PIP4K2A: variants seen among roughly 807,000 people sequenced by gnomAD.
The protein encoded by PIP4K2A is phosphatidylinositol-5-phosphate 4-kinase type 2 alpha, also known as phosphatidylinositol 5-phosphate 4-kinase type-2 alpha.
In PIP4K2A, 14 loss-of-function variants were observed where a neutral mutation model predicts 42.9. The observed-to-expected ratio is 0.33, with a 90% confidence interval of 0.22 to 0.51. PIP4K2A has a LOEUF of 0.51. Ranked by LOEUF, PIP4K2A falls within the 20% of genes least tolerant of loss-of-function variation. The probability of loss-of-function intolerance (pLI) is 0.97; values close to 1 mark genes in which losing one functional copy is unlikely to be tolerated. For missense variants in PIP4K2A, 434 were observed against 519.8 expected (o/e 0.83, Z 1.61); for synonymous variants, 192 against 192.2 (o/e 1.00, Z 0.01).
chr10:22,607,285 T>C (rs1248484695), intron 3 of PIP4K2A, among the ~76,000 whole-genome samples: 1 of 152,198 alleles, frequency 6.6e-6, no homozygotes, highest in East Asian at 1.9e-4. Flanking sequence ...GTTTAAAAGT[T>C]AGAATGAAGG....
intron 1 of PIP4K2A, among the ~76,000 whole-genome samples, chr10:22,641,132 T>A (rs910574542): frequency 6.6e-5 from 10 of 152,244 alleles, no homozygotes; most frequent in African/African-American, 2.4e-4. Flanking sequence ...TGACATATGA[T>A]GCTGCAGACA....
rs1835900494 is a variant in PIP4K2A, at chr10:22,535,642, G to T, written c.*1559C>A. ...AAAATCATATCATGTTTTAAACAAGGAGTTTCAAAGGCATGGCTTTAGCGC... is the reference window on the plus strand; with the variant it reads ...AAAATCATATCATGTTTTAAACAAGTAGTTTCAAAGGCATGGCTTTAGCGC... On this transcript the variant is annotated 3_prime_UTR_variant, in exon 10 of 10. Coordinates refer to ENST00000376573, the MANE Select transcript of PIP4K2A (RefSeq NM_005028.5). 1 of 153,754 alleles carries T rather than the reference G, an allele frequency of 6.5e-6. No individual in the cohort carries two copies. The highest frequency in any genetic ancestry group is 2.4e-5 in the African/African-American group (1 of 41,544). The allele number at this position is 153,754 out of a possible 1,614,324, so 9.5% of individuals were successfully genotyped here.
At chr10:22,617,018 A>C (rs1838190174) in intron 1 of PIP4K2A, among the ~76,000 whole-genome samples, 1 of 152,232 alleles carries the variant, frequency 6.6e-6, no homozygotes, top group African/African-American at 2.4e-5. Flanking sequence ...ATTAACACAA[A>C]ACACAGTAAC....
chr10:22,587,574 T>C (rs1461249914), intron 4 of PIP4K2A, among the ~76,000 whole-genome samples: 1 of 152,108 alleles, frequency 6.6e-6, no homozygotes, highest in African/African-American at 2.4e-5. Context: ...ACCACAGGGA[T>C]AGAAACACAA....
intron 1 of PIP4K2A, among the ~76,000 whole-genome samples, chr10:22,627,601 A>T (rs1838471724): frequency 2.2e-5 from 1 of 44,544 alleles, no homozygotes; most frequent in Non-Finnish European, 4.4e-5. Context: ...TAAAAAAAAA[A>T]AAAAAAAAAA....
At chr10:22,643,609 C>T (rs1838823879) in intron 1 of PIP4K2A, among the ~76,000 whole-genome samples, 1 of 152,168 alleles carries the variant, frequency 6.6e-6, no homozygotes, top group South Asian at 2.1e-4. Flanking sequence ...CTCCATGGGG[C>T]TCTCCAAGAG....
At chr10:22,652,514 G>A (rs16922558) in intron 1 of PIP4K2A, among the ~76,000 whole-genome samples, 10,021 of 152,180 alleles carry the variant, frequency 0.066, 987 homozygotes, top group African/African-American at 0.22. Flanking sequence ...CAATGTCTTC[G>A]TAGTAATCAA....
intron 3 of PIP4K2A, among the ~76,000 whole-genome samples, chr10:22,596,396 G>T (rs1265679370): frequency 1.3e-5 from 2 of 152,208 alleles, no homozygotes; most frequent in African/African-American, 4.8e-5. Flanking sequence ...TGAGATGAAA[G>T]AGAACATGCA....
Position 22,535,173 on chromosome 10 carries a change from C to G in PIP4K2A, c.*2028G>C, listed in dbSNP as rs958175744. ...ATACACAGATTGGCCCCCAAGGAAA[C>G]AGTTACTCAAATAATGTATGTGTAC... On this transcript the variant is annotated 3_prime_UTR_variant, in exon 10 of 10. Transcript: ENST00000376573. The G allele has an allele frequency of 6.6e-6, 1 of 152,206 alleles. No individual in the cohort carries two copies. Among genetic ancestry groups the G allele is most frequent in the African/African-American group, 2.4e-5 (1 of 41,458 alleles). The allele number at this position is 152,206 out of a possible 1,614,324, so 9.4% of individuals were successfully genotyped here.
At chr10:22,586,633 C>T (rs1162892172) in intron 4 of PIP4K2A, among the ~76,000 whole-genome samples, 1 of 152,128 alleles carries the variant, frequency 6.6e-6, no homozygotes, top group Non-Finnish European at 1.5e-5. Flanking sequence ...TGGGTTCAAG[C>T]GATTCTCATG....
intron 1 of PIP4K2A, among the ~76,000 whole-genome samples, chr10:22,672,101 G>C (rs1839463895): frequency 6.6e-6 from 1 of 152,074 alleles, no homozygotes; most frequent in Admixed American, 6.5e-5. Flanking sequence ...AAGACTCTTT[G>C]TAATTCTTAT....
chr10:22,649,021 T>C (rs1480585299), intron 1 of PIP4K2A, among the ~76,000 whole-genome samples: 3 of 152,206 alleles, frequency 2.0e-5, no homozygotes, highest in South Asian at 4.1e-4. Context: ...AAAGCACTAA[T>C]AAAAATAATT....
At chr10:22,540,364 C>CTT (rs199836038) in intron 8 of PIP4K2A, among the ~76,000 whole-genome samples, 1 of 143,970 alleles carries the variant, frequency 6.9e-6, no homozygotes, top group Admixed American at 6.9e-5. Flanking sequence ...GGAACGGAGT[C>CTT]TTTTTTTTTT....
intron 5 of PIP4K2A, among the ~76,000 whole-genome samples, chr10:22,569,255 C>A (rs1003375511): frequency 6.6e-6 from 1 of 152,206 alleles, no homozygotes; most frequent in South Asian, 2.1e-4. Flanking sequence ...GCCCCCAGGA[C>A]TGGAAGATCC....
intron 1 of PIP4K2A, among the ~76,000 whole-genome samples, chr10:22,651,076 G>A (rs1425361858): frequency 1.3e-5 from 2 of 152,130 alleles, no homozygotes; most frequent in Non-Finnish European, 2.9e-5. Context: ...TCCATTTAGA[G>A]GGCTAAAAAG....
chr10:22,663,872 T>G (rs183387720), intron 1 of PIP4K2A, among the ~76,000 whole-genome samples: 4 of 151,054 alleles, frequency 2.6e-5, no homozygotes, highest in Non-Finnish European at 5.9e-5. Context: ...TCCCCCCATT[T>G]TGGCCATTAT....
chr10:22,628,613 A>C (rs534031855), intron 1 of PIP4K2A, among the ~76,000 whole-genome samples: 3 of 152,208 alleles, frequency 2.0e-5, no homozygotes, highest in Admixed American at 6.5e-5. Flanking sequence ...GAGACATGAG[A>C]TATCAGATAC....
At chr10:22,577,162 C>T (rs762632146) in intron 4 of PIP4K2A, among the ~76,000 whole-genome samples, 8 of 151,392 alleles carry the variant, frequency 5.3e-5, no homozygotes, top group South Asian at 2.1e-4. Context: ...GTACCATGAG[C>T]GGTGCTGACT....
intron 5 of PIP4K2A, among the ~76,000 whole-genome samples, chr10:22,570,256 T>C (rs1219601784): frequency 6.6e-6 from 1 of 152,158 alleles, no homozygotes; most frequent in African/African-American, 2.4e-5. Flanking sequence ...GTAGGTAAAA[T>C]TATCCCTATT....
Sources: gnomAD v4.1 joint callset for allele counts (sites outside exome capture counted in the v4.1 genomes callset) on GRCh38, gnomAD v4.1.1 for gene constraint, MANE v1.5 for transcripts, NCBI Gene and HGNC (gene_info 2026-07-23, HGNC 2026-07-21) for gene names.